Variants in GPC5 observed in about 807,000 individuals in gnomAD.
GPC5 encodes the protein glypican 5.
Under a neutral mutation model 53.9 loss-of-function variants are expected in GPC5, and 47 were observed. That is an observed-to-expected ratio of 0.87 (90% CI 0.69 to 1.11). The LOEUF is 1.11. GPC5 is among the 50% of genes most tolerant of loss of function. The probability of loss-of-function intolerance (pLI) is 0.00; values close to 1 mark genes in which losing one functional copy is unlikely to be tolerated. For synonymous variants in GPC5, 286 were observed against 263.3 expected (o/e 1.09, Z -0.84); for missense variants, 748 against 713.1 (o/e 1.05, Z -0.56).
intron 7 of GPC5, among the ~76,000 whole-genome samples, chr13:92,282,435 C>T (rs559341893): frequency 6.6e-6 from 1 of 152,174 alleles, no homozygotes; most frequent in Non-Finnish European, 1.5e-5. Context: ...AACTCCAAGA[C>T]ACATAATTGT....
chr13:92,324,015 T>C (rs1178376999), intron 7 of GPC5, among the ~76,000 whole-genome samples: 1 of 151,964 alleles, frequency 6.6e-6, no homozygotes, highest in African/African-American at 2.4e-5. Context: ...TTTCTGTTTA[T>C]AAATACTAAC....
intron 6 of GPC5, among the ~76,000 whole-genome samples, chr13:92,062,397 T>C (rs1240303018): frequency 6.6e-6 from 1 of 152,038 alleles, no homozygotes; most frequent in Admixed American, 6.6e-5. Context: ...ATTGTGAGAT[T>C]TTCCAAACAC....
At chr13:91,675,501 T>C (rs1272799573) in intron 2 of GPC5, among the ~76,000 whole-genome samples, 1 of 152,208 alleles carries the variant, frequency 6.6e-6, no homozygotes, top group Non-Finnish European at 1.5e-5. Flanking sequence ...GAGTAAGGTA[T>C]GATCTTTGAC....
chr13:91,708,528 G>A (rs1403989004), intron 3 of GPC5, among the ~76,000 whole-genome samples: 1 of 152,112 alleles, frequency 6.6e-6, no homozygotes. Context: ...GAGGTGCAGG[G>A]GACTGGGGAG....
At chr13:92,857,833 A>G (rs2138852003) in intron 7 of GPC5, among the ~76,000 whole-genome samples, 1 of 152,320 alleles carries the variant, frequency 6.6e-6, no homozygotes, top group Admixed American at 6.5e-5. Flanking sequence ...GATGCTGGCA[A>G]GGCTGGGAAG....
intron 4 of GPC5, among the ~76,000 whole-genome samples, chr13:91,741,803 A>G (rs567417127): frequency 6.6e-6 from 1 of 152,334 alleles, no homozygotes; most frequent in Admixed American, 6.5e-5. Flanking sequence ...GTATATACAA[A>G]TATTCAGTGG....
intron 6 of GPC5, among the ~76,000 whole-genome samples, chr13:92,139,016 A>G (rs1416862203): frequency 6.6e-6 from 1 of 152,200 alleles, no homozygotes; most frequent in Non-Finnish European, 1.5e-5. Context: ...TAAAAAGGGT[A>G]ATTAGAACAT....
chr13:92,203,774 A>G (rs1327458392), intron 7 of GPC5, among the ~76,000 whole-genome samples: 1 of 151,330 alleles, frequency 6.6e-6, no homozygotes, highest in Non-Finnish European at 1.5e-5. Context: ...AAAATCAGCA[A>G]CAGAAGGAAA....
At chr13:91,855,066 T>G (rs2038952625) in intron 5 of GPC5, among the ~76,000 whole-genome samples, 1 of 151,850 alleles carries the variant, frequency 6.6e-6, no homozygotes, top group African/African-American at 2.4e-5. Context: ...TCTCTGTTAC[T>G]ATTTTAAAAA....
chr13:92,363,710 G>A (rs2043586793), intron 7 of GPC5, among the ~76,000 whole-genome samples: 1 of 151,870 alleles, frequency 6.6e-6, no homozygotes, highest in Admixed American at 6.5e-5. Flanking sequence ...TGCAAGCCTT[G>A]AAACATCACT....
chr13:91,826,112 T>C (rs145249750), intron 5 of GPC5, among the ~76,000 whole-genome samples: 2 of 151,312 alleles, frequency 1.3e-5, no homozygotes, highest in African/African-American at 2.4e-5. Flanking sequence ...TTGAAAATAA[T>C]AAAAAATATG....
chr13:92,804,551 A>T (rs568441195), intron 7 of GPC5, among the ~76,000 whole-genome samples: 31 of 152,176 alleles, frequency 2.0e-4, no homozygotes, highest in African/African-American at 7.0e-4. Context: ...GCTAACCATC[A>T]TCTGAGTCAT....
chr13:92,659,938 G>C (rs1276820902), intron 7 of GPC5, among the ~76,000 whole-genome samples: 1 of 152,094 alleles, frequency 6.6e-6, no homozygotes, highest in Non-Finnish European at 1.5e-5. Flanking sequence ...AAAGAAACCC[G>C]TGTGGAAAGA....
At chr13:92,210,483 A>G (rs76467335) in intron 7 of GPC5, among the ~76,000 whole-genome samples, 25 of 152,254 alleles carry the variant, frequency 1.6e-4, no homozygotes, top group African/African-American at 5.1e-4. Flanking sequence ...TGATTGACTA[A>G]CGTTATCACT....
At chr13:91,948,759 G>T (rs1038754355) in intron 6 of GPC5, among the ~76,000 whole-genome samples, 1 of 152,124 alleles carries the variant, frequency 6.6e-6, no homozygotes, top group East Asian at 1.9e-4. Context: ...AACAAACTGG[G>T]TTATATTGGA....
intron 7 of GPC5, among the ~76,000 whole-genome samples, chr13:92,847,205 A>ACTC (rs767664451): frequency 1.4e-4 from 21 of 152,134 alleles, no homozygotes; most frequent in Admixed American, 9.2e-4. Flanking sequence ...ACATCATAAT[A>ACTC]CTCTTGAAAC....
intron 7 of GPC5, among the ~76,000 whole-genome samples, chr13:92,724,380 A>G (rs187293796): frequency 6.6e-6 from 1 of 151,792 alleles, no homozygotes; most frequent in Admixed American, 6.6e-5. Flanking sequence ...AGAACATTAT[A>G]CTTTCCATAC....
chr13:92,226,053 T>C (rs1431153072), intron 7 of GPC5, among the ~76,000 whole-genome samples: 1 of 152,046 alleles, frequency 6.6e-6, no homozygotes, highest in Non-Finnish European at 1.5e-5. Flanking sequence ...ATCAGGAAAA[T>C]GAGTTCTCAC....
intron 7 of GPC5, among the ~76,000 whole-genome samples, chr13:92,522,640 G>A (rs1349522431): frequency 6.6e-6 from 1 of 152,062 alleles, no homozygotes; most frequent in Non-Finnish European, 1.5e-5. Flanking sequence ...AGGGGAGAGG[G>A]AAAGCATTAG....
Sources: allele counts gnomAD v4.1 joint callset (sites outside exome capture counted in the v4.1 genomes callset), GRCh38; gene constraint gnomAD v4.1.1; transcripts MANE v1.5; gene names NCBI Gene and HGNC (gene_info 2026-07-23, HGNC 2026-07-21).